UBE2G1: variants seen among roughly 807,000 people sequenced by gnomAD.
UBE2G1 encodes the protein ubiquitin conjugating enzyme E2 G1.
A neutral mutation model predicts 22.7 loss-of-function variants in UBE2G1; 5 were observed. The observed-to-expected ratio is 0.22, with a 90% CI of 0.12 to 0.46. The LOEUF (loss-of-function observed/expected upper bound fraction) is 0.46, where lower values mean the gene tolerates loss of function less well. UBE2G1 is among the 20% of genes least tolerant of loss of function. The pLI, the probability that UBE2G1 is intolerant of heterozygous loss-of-function variation, is 0.99. For missense variants in UBE2G1, 88 were observed against 203.9 expected, an observed-to-expected ratio of 0.43 and a Z score of 3.46; for synonymous variants, 74 against 67.5, an observed-to-expected ratio of 1.10 and a Z score of -0.47.
Position 4,295,289 on chromosome 17 carries a change from T to TA in UBE2G1, c.247+1427dup, listed in dbSNP as rs912219490. Among the ~76,000 whole-genome samples, 192 of 152,340 alleles carry TA rather than the reference T, an allele frequency of 1.3e-3. 1 individual carries two copies. The highest frequency in any genetic ancestry group is 4.5e-3 in the African/African-American group (186 of 41,568). On this transcript the variant is annotated intron_variant, in intron 3 of 5. Coordinates refer to ENST00000396981, the MANE Select transcript of UBE2G1 (RefSeq NM_003342.5). The stretch of plus-strand genomic sequence containing the variant: ...GTTAATGCATTCTGCCATCAACTGT[T>TA]AGAGATATTTTCCTCTTCTTACTGG...
chr17:4,359,618 C>G (rs978463314), intron 1 of UBE2G1, among the ~76,000 whole-genome samples: 1 of 152,184 alleles, frequency 6.6e-6, no homozygotes, highest in Non-Finnish European at 1.5e-5. Flanking sequence ...CGCCTGTAAT[C>G]CCAACACTTT....
chr17:4,307,958 T>C (rs1969266437), intron 1 of UBE2G1, among the ~76,000 whole-genome samples: 1 of 152,176 alleles, frequency 6.6e-6, no homozygotes, highest in Non-Finnish European at 1.5e-5. Flanking sequence ...GACACCAGAC[T>C]TAATAAAGTA....
chr17:4,274,488 C>G (rs1490770667), intron 5 of UBE2G1, among the ~76,000 whole-genome samples: 1 of 152,150 alleles, frequency 6.6e-6, no homozygotes, highest in African/African-American at 2.4e-5. Context: ...TGAGCCACCA[C>G]GCCTGGCCAA....
rs140511954 is a variant in UBE2G1, at chr17:4,326,979, T to G, written c.47-19856A>C. 1.0e-3 allele frequency among the ~76,000 whole-genome samples: 155 copies of G among 152,284 alleles called. 1 individual carries two copies. Among genetic ancestry groups the G allele is most frequent in the Middle Eastern group, 3.4e-3 (1 of 294 alleles). On this transcript the variant is annotated intron_variant, in intron 1 of 5. Coordinates refer to ENST00000396981, the MANE Select transcript of UBE2G1 (RefSeq NM_003342.5). The stretch of plus-strand genomic sequence containing the variant: ...GAGTTTGAAACCAGCCAGGCCAACA[T>G]GGCAAAACCACGTCTCTACTAAAAT...
intron 1 of UBE2G1, among the ~76,000 whole-genome samples, chr17:4,350,763 T>G (rs1199712594): frequency 2.6e-5 from 4 of 152,108 alleles, no homozygotes; most frequent in Admixed American, 6.6e-5. Context: ...CTGGACGTGT[T>G]GGCTCACGTC....
intron 1 of UBE2G1, among the ~76,000 whole-genome samples, chr17:4,363,671 G>C (rs992864191): frequency 6.6e-6 from 1 of 152,028 alleles, no homozygotes; most frequent in Non-Finnish European, 1.5e-5. Context: ...AATTCAGAGA[G>C]GCCGGGCCCG....
intron 2 of UBE2G1, among the ~76,000 whole-genome samples, chr17:4,303,424 A>G (rs76316398): frequency 0.024 from 3,638 of 152,334 alleles, 131 homozygotes; most frequent in African/African-American, 0.083. Context: ...GCAATAGAAC[A>G]TGGAACATTT....
intron 4 of UBE2G1, 29 bp downstream of exon 4, chr17:4,289,201 A>C (rs1969006304): frequency 6.7e-7 from 1 of 1,483,542 alleles, no homozygotes; most frequent in Non-Finnish European, 9.0e-7. Flanking sequence ...GGGAAAGTGA[A>C]GGGAAGGGAA....
chr17:4,313,755 G>A (rs760025048), intron 1 of UBE2G1, among the ~76,000 whole-genome samples: 1 of 152,144 alleles, frequency 6.6e-6, no homozygotes, highest in Non-Finnish European at 1.5e-5. Flanking sequence ...TCCTGTCAAT[G>A]TTATACTTCA....
At chr17:4,334,234 A>G (rs989131192) in intron 1 of UBE2G1, among the ~76,000 whole-genome samples, 2 of 151,936 alleles carry the variant, frequency 1.3e-5, no homozygotes, top group African/African-American at 4.8e-5. Flanking sequence ...GTACATTTCC[A>G]TTATATTTTT....
chr17:4,285,240 T>A (rs969215892), intron 4 of UBE2G1, among the ~76,000 whole-genome samples: 1 of 151,966 alleles, frequency 6.6e-6, no homozygotes, highest in Non-Finnish European at 1.5e-5. Flanking sequence ...CACAACTCTG[T>A]GAAATTTCCA....
chr17:4,272,406 T>G lies in UBE2G1; in HGVS notation c.*148A>C. The G allele has an allele frequency of 5.4e-6, 1 of 186,812 alleles. No homozygotes were observed. Among genetic ancestry groups the G allele is most frequent in the Non-Finnish European group, 1.1e-5 (1 of 88,770 alleles). 11.6% of individuals were successfully genotyped at this position (186,812 alleles called of 1,614,324 possible). Reference sequence around the variant, plus strand: ...CTCTTGTCAGCATTGATAACTGGCATGTTTTATTGCAGCCCAGTTCCAGCC... The same window carrying G: ...CTCTTGTCAGCATTGATAACTGGCAGGTTTTATTGCAGCCCAGTTCCAGCC... On this transcript the variant is annotated 3_prime_UTR_variant, in exon 6 of 6. Coordinates refer to ENST00000396981, the MANE Select transcript of UBE2G1 (RefSeq NM_003342.5).
At chr17:4,363,950 C>CAAAAAAAAAA (rs1195720643) in intron 1 of UBE2G1, among the ~76,000 whole-genome samples, 1 of 43,906 alleles carries the variant, frequency 2.3e-5, no homozygotes, top group African/African-American at 8.9e-5. Flanking sequence ...GACTCCGTCT[C>CAAAAAAAAAA]AAAAAAAAAA....
chr17:4,323,455 A>G (rs879379599), intron 1 of UBE2G1, among the ~76,000 whole-genome samples: 4 of 152,260 alleles, frequency 2.6e-5, no homozygotes, highest in Non-Finnish European at 5.9e-5. Context: ...ATTCATCAAA[A>G]TGAAAATGAA....
chr17:4,306,676 G>T (rs1313306079), intron 2 of UBE2G1, among the ~76,000 whole-genome samples: 1 of 151,778 alleles, frequency 6.6e-6, no homozygotes, highest in Non-Finnish European at 1.5e-5. Flanking sequence ...TTTTGAGATG[G>T]AGTCTCACTC....
intron 2 of UBE2G1, among the ~76,000 whole-genome samples, chr17:4,300,436 A>G (rs981125287): frequency 3.3e-5 from 5 of 152,000 alleles, no homozygotes; most frequent in Non-Finnish European, 7.4e-5. Flanking sequence ...CCATCTACTC[A>G]GGAGGCTGAA....
At chr17:4,274,800 C>T (rs1387567522) in intron 5 of UBE2G1, among the ~76,000 whole-genome samples, 1 of 152,180 alleles carries the variant, frequency 6.6e-6, no homozygotes, top group Non-Finnish European at 1.5e-5. Flanking sequence ...TGCCTGTAGT[C>T]CCAGCACTTT....
At chr17:4,351,825 T>A (rs1026861391) in intron 1 of UBE2G1, among the ~76,000 whole-genome samples, 16 of 152,292 alleles carry the variant, frequency 1.1e-4, no homozygotes, top group African/African-American at 3.4e-4. Flanking sequence ...AAACCTTAAA[T>A]AAGTAATTTA....
intron 1 of UBE2G1, among the ~76,000 whole-genome samples, chr17:4,338,646 T>A (rs560724867): frequency 6.6e-6 from 1 of 152,338 alleles, no homozygotes; most frequent in South Asian, 2.1e-4. Context: ...TAAATTATAA[T>A]AGCAAACTCT....
Sources: gnomAD v4.1 joint callset for allele counts (sites outside exome capture counted in the v4.1 genomes callset) on GRCh38, gnomAD v4.1.1 for gene constraint, MANE v1.5 for transcripts, NCBI Gene and HGNC (gene_info 2026-07-23, HGNC 2026-07-21) for gene names.